The following STARD13 variants were observed in gnomAD, a reference collection of about 807,000 sequenced individuals.
STARD13 encodes the protein stAR-related lipid transfer protein 13.
STARD13 carries 62 observed loss-of-function variants against 106.4 expected under a neutral mutation model. That is an observed-to-expected ratio of 0.58 (90% CI 0.48 to 0.72). STARD13 has a LOEUF of 0.72. STARD13 is among the 30% of genes least tolerant of loss of function. STARD13 has a pLI of 0.00. For missense variants in STARD13, 1,387 were observed against 1,424.0 expected, an observed-to-expected ratio of 0.97 and a Z score of 0.42; for synonymous variants, 565 against 553.0, an observed-to-expected ratio of 1.02 and a Z score of -0.31.
At chr13:33,235,172 T>C (rs1193966368) in intron 1 of STARD13, among the ~76,000 whole-genome samples, 1 of 152,150 alleles carries the variant, frequency 6.6e-6, no homozygotes. Context: ...GGGATATTTT[T>C]TAAATTCTTG....
chr13:33,346,168 A>C (rs375052195), downstream of STARD13, among the ~76,000 whole-genome samples: 1 of 152,220 alleles, frequency 6.6e-6, no homozygotes, highest in African/African-American at 2.4e-5. Context: ...AGCCAGAGAG[A>C]AACCAAGGCC....
At chr13:33,544,768 C>CT in the STARD13 span, among the ~76,000 whole-genome samples, 4 of 131,816 alleles carry the variant, frequency 3.0e-5, no homozygotes, top group Admixed American at 7.7e-5. Flanking sequence ...GTTGTTTTTT[C>CT]TCTTTTTTTT....
the STARD13 span, among the ~76,000 whole-genome samples, chr13:33,411,721 T>A: frequency 6.6e-6 from 1 of 152,266 alleles, no homozygotes; most frequent in African/African-American, 2.4e-5. Flanking sequence ...TGGAATCATA[T>A]AATATGTAGC....
the STARD13 span, among the ~76,000 whole-genome samples, chr13:33,438,802 G>A: frequency 0.012 from 1,813 of 152,212 alleles, 14 homozygotes; most frequent in Non-Finnish European, 0.02. Context: ...ACTGAAACTG[G>A]TTCTCAGCAG....
chr13:33,439,624 G>C, the STARD13 span: 16 of 784,236 alleles, frequency 2.0e-5, no homozygotes, highest in Non-Finnish European at 3.0e-5. Context: ...AATTTATAGG[G>C]ATGAGGCAAA....
the STARD13 span, among the ~76,000 whole-genome samples, chr13:33,395,519 G>A: frequency 1.2e-3 from 181 of 152,250 alleles, no homozygotes; most frequent in African/African-American, 4.2e-3. Context: ...CTAAAGATGA[G>A]AAGAGGTGGG....
At chr13:33,555,679 A>G in the STARD13 span, among the ~76,000 whole-genome samples, 1 of 152,226 alleles carries the variant, frequency 6.6e-6, no homozygotes, top group Non-Finnish European at 1.5e-5. Flanking sequence ...ATACTGGTTA[A>G]GCATTGTCCT....
At chr13:33,369,168 C>G in the STARD13 span, among the ~76,000 whole-genome samples, 1 of 152,042 alleles carries the variant, frequency 6.6e-6, no homozygotes, top group Non-Finnish European at 1.5e-5. Flanking sequence ...ATCTTTACTT[C>G]TGTTTAGCTT....
chr13:33,371,330 G>A, the STARD13 span, among the ~76,000 whole-genome samples: 1 of 152,132 alleles, frequency 6.6e-6, no homozygotes, highest in African/African-American at 2.4e-5. Context: ...GTGTGAAGTT[G>A]TCAACCACTA....
At chr13:33,200,026 T>C (rs1196013680) in intron 1 of STARD13, among the ~76,000 whole-genome samples, 1 of 152,244 alleles carries the variant, frequency 6.6e-6, no homozygotes, top group African/African-American at 2.4e-5. Flanking sequence ...GCTGAGGCAG[T>C]AGAGCATGTT....
chr13:33,321,727 C>T (rs1893567138), intron 1 of STARD13, among the ~76,000 whole-genome samples: 1 of 152,152 alleles, frequency 6.6e-6, no homozygotes, highest in African/African-American at 2.4e-5. Context: ...CTTTCCTGCT[C>T]TCTGGATCTT....
At chr13:33,270,061 AC>A (rs1205097768) in intron 1 of STARD13, among the ~76,000 whole-genome samples, 3 of 151,750 alleles carry the variant, frequency 2.0e-5, no homozygotes, top group Non-Finnish European at 4.4e-5. Flanking sequence ...TCTGGTGAAA[AC>A]CCGTCTGTAC....
the STARD13 span, among the ~76,000 whole-genome samples, chr13:33,673,550 C>CTTTTTTTTTTTTTTTTT: frequency 2.6e-4 from 35 of 137,178 alleles, 2 homozygotes; most frequent in African/African-American, 9.6e-4. Flanking sequence ...ACTATTAACT[C>CTTTTTTTTTTTTTTTTT]TTTTTTTTTT....
the STARD13 span, among the ~76,000 whole-genome samples, chr13:33,572,670 G>A: frequency 6.6e-6 from 1 of 151,980 alleles, no homozygotes; most frequent in African/African-American, 2.4e-5. Context: ...GTATCCAAGG[G>A]GTTCCACCTC....
the STARD13 span, among the ~76,000 whole-genome samples, chr13:33,390,156 G>T: frequency 6.6e-6 from 1 of 152,062 alleles, no homozygotes; most frequent in Non-Finnish European, 1.5e-5. Context: ...TATGTCTTTA[G>T]TACTTACTTT....
intron 1 of STARD13, among the ~76,000 whole-genome samples, chr13:33,203,191 C>G (rs1270558720): frequency 6.6e-6 from 1 of 152,174 alleles, no homozygotes; most frequent in Non-Finnish European, 1.5e-5. Context: ...GGGGCCACCA[C>G]ACACCTGTGT....
chr13:33,280,892 T>G (rs1305450057), intron 1 of STARD13: 1 of 152,196 alleles, frequency 6.6e-6, no homozygotes, highest in Non-Finnish European at 1.5e-5. Flanking sequence ...GTGACTTCTC[T>G]CAGATCACAC....
intron 1 of STARD13, among the ~76,000 whole-genome samples, chr13:33,278,219 A>G (rs886723319): frequency 6.6e-6 from 1 of 152,186 alleles, no homozygotes; most frequent in African/African-American, 2.4e-5. Flanking sequence ...TGAGCCTTTC[A>G]TAAGTCTGAA....
At chr13:33,467,205 G>C in the STARD13 span, among the ~76,000 whole-genome samples, 1 of 151,884 alleles carries the variant, frequency 6.6e-6, no homozygotes, top group African/African-American at 2.4e-5. Context: ...ACCAATGGGA[G>C]ACCTGAGTTT....
Sources: gnomAD v4.1 joint callset for allele counts (sites outside exome capture counted in the v4.1 genomes callset) on GRCh38, gnomAD v4.1.1 for gene constraint, MANE v1.5 for transcripts, NCBI Gene and HGNC (gene_info 2026-07-23, HGNC 2026-07-21) for gene names.